USP54: variants seen among roughly 807,000 people sequenced by gnomAD.
USP54 encodes the protein ubiquitin specific peptidase 54.
A neutral mutation model predicts 170.5 loss-of-function variants in USP54; 87 were observed. The ratio of observed to expected loss-of-function variants is 0.51; its 90% CI spans 0.43 to 0.61. The LOEUF (loss-of-function observed/expected upper bound fraction) is 0.61. Ranked by LOEUF, USP54 falls within the 20% of genes least tolerant of loss-of-function variation. USP54 has a pLI of 0.00. For missense variants in USP54, 1,786 were observed against 2,047.8 expected (o/e 0.87, Z 2.47); for synonymous variants, 655 against 742.8 (o/e 0.88, Z 1.92).
At chr10:73,529,627 G>T in intron 15 of USP54, 53 bp downstream of exon 15, 1 of 1,605,052 alleles carries the variant, frequency 6.2e-7, no homozygotes, top group Non-Finnish European at 8.5e-7. Context: ...CCCCAAGTAG[G>T]TGGCTCACAT....
intron 1 of USP54, among the ~76,000 whole-genome samples, chr10:73,581,505 A>G (rs773595595): frequency 6.6e-6 from 1 of 152,190 alleles, no homozygotes; most frequent in African/African-American, 2.4e-5. Flanking sequence ...TTTCTCTTGC[A>G]CAGATTCTCA....
At chr10:73,550,368 T>C (rs2068980320) in intron 4 of USP54, among the ~76,000 whole-genome samples, 1 of 152,208 alleles carries the variant, frequency 6.6e-6, no homozygotes, top group African/African-American at 2.4e-5. Flanking sequence ...TTCCTGTGGA[T>C]TTTTTATCCA....
chr10:73,526,887 G>C, intron 15 of USP54, 107 bp from the exon 16 acceptor site: 1 of 1,296,630 alleles, frequency 7.7e-7, no homozygotes, highest in East Asian at 2.5e-5. Context: ...TACACAATTA[G>C]AGCTTCTGCT....
intron 4 of USP54, among the ~76,000 whole-genome samples, chr10:73,553,896 G>A (rs954703799): frequency 3.9e-5 from 6 of 152,154 alleles, no homozygotes; most frequent in Non-Finnish European, 5.9e-5. Context: ...ACTAAAAGCA[G>A]GTGCTTCCCC....
At chr10:73,514,856 G>A (rs1324272025) in intron 20 of USP54, among the ~76,000 whole-genome samples, 2 of 151,836 alleles carry the variant, frequency 1.3e-5, no homozygotes, top group African/African-American at 2.4e-5. Flanking sequence ...CCTGGCCAAC[G>A]TGGTGAAACC....
At chr10:73,523,846 T>A in intron 16 of USP54, 96 bp from the exon 17 acceptor site, 1 of 869,470 alleles carries the variant, frequency 1.2e-6, no homozygotes. Context: ...CTTTTGGAAT[T>A]CTTGCTTTCA....
chr10:73,545,402 G>C (rs1212075588), intron 5 of USP54, 136 bp downstream of exon 5: 1 of 1,214,206 alleles, frequency 8.2e-7, no homozygotes, highest in African/African-American at 1.5e-5. Flanking sequence ...TTAGATCCCT[G>C]AAAAATCAGA....
At chr10:73,563,671 A>T (rs1298203282) in intron 4 of USP54, among the ~76,000 whole-genome samples, 1 of 151,862 alleles carries the variant, frequency 6.6e-6, no homozygotes, top group African/African-American at 2.4e-5. Context: ...TCCCGACCTC[A>T]GGAGATCTGC....
intron 12 of USP54, among the ~76,000 whole-genome samples, chr10:73,534,183 T>C (rs1459542006): frequency 1.3e-5 from 2 of 152,086 alleles, no homozygotes; most frequent in African/African-American, 2.4e-5. Flanking sequence ...GTAACGAACA[T>C]TTCTGACTTC....
At chr10:73,588,079 C>A (rs2077733363) in intron 1 of USP54, among the ~76,000 whole-genome samples, 1 of 152,078 alleles carries the variant, frequency 6.6e-6, no homozygotes, top group South Asian at 2.1e-4. Context: ...TACAGGCAAA[C>A]ACACACACAC....
chr10:73,593,442 C>T (rs1024621231), upstream of USP54, among the ~76,000 whole-genome samples: 1 of 149,984 alleles, frequency 6.7e-6, no homozygotes, highest in African/African-American at 2.5e-5. Context: ...TGATTGCTAA[C>T]TACGTCAAGA....
Position 73,497,749 on chromosome 10 carries a change from T to TA in USP54, c.*879dup, listed in dbSNP as rs2133087141. On this transcript the variant is annotated 3_prime_UTR_variant, in exon 24 of 24. Coordinates refer to ENST00000687698, the MANE Select transcript of USP54 (RefSeq NM_001391956.1). Reference sequence around the variant, plus strand: ...ATGTTATGTTGGCAGCTCCGCATTCTAGGCCTAAGGTTTGGAGGGCACAGG... The same window carrying TA: ...ATGTTATGTTGGCAGCTCCGCATTCTAAGGCCTAAGGTTTGGAGGGCACAGG... The TA allele has an allele frequency of 6.6e-6, 1 of 152,374 alleles. No homozygotes were observed. Among genetic ancestry groups the TA allele is most frequent in the African/African-American group, 2.4e-5 (1 of 41,562 alleles). 9.4% of individuals were successfully genotyped at this position (152,374 alleles called of 1,614,324 possible).
upstream of USP54, chr10:73,625,801 G>C (rs1215619271): frequency 6.6e-6 from 1 of 152,078 alleles, no homozygotes; most frequent in Non-Finnish European, 1.5e-5. Flanking sequence ...GTACCCACAG[G>C]ACCCAGGTCC....
At position 73,624,159 on chromosome 10, in the gene USP54, C is replaced by CATATATATATAT. The variant is rs58238181; in HGVS notation, c.-18+1396_-18+1407dup. 3.9e-3 allele frequency among the ~76,000 whole-genome samples: 274 copies of CATATATATATAT among 69,844 alleles called. 3 individuals are homozygous for CATATATATATAT. Among genetic ancestry groups the CATATATATATAT allele is most frequent in the Non-Finnish European group, 5.4e-3 (205 of 37,824 alleles). 45.8% of individuals were successfully genotyped at this position (69,844 alleles called of 152,430 possible). A position where few individuals can be genotyped will look rare whatever the true frequency, so the allele number is the denominator to read the frequency against. ...CAGCTGAAGAAGGATTTTTAAAAGC[C>CATATATATATAT]ATATATATATATATATATATATATA... On this transcript the variant is annotated intron_variant, in intron 1 of 22. Transcript: ENST00000339859.
At chr10:73,551,374 G>C (rs960314283) in intron 4 of USP54, among the ~76,000 whole-genome samples, 1 of 152,172 alleles carries the variant, frequency 6.6e-6, no homozygotes, top group African/African-American at 2.4e-5. Flanking sequence ...ATAAGGTCAA[G>C]GAAAGGCAGG....
intron 4 of USP54, among the ~76,000 whole-genome samples, chr10:73,563,675 G>T (rs1421003490): frequency 6.6e-6 from 1 of 152,116 alleles, no homozygotes; most frequent in Admixed American, 6.5e-5. Context: ...GACCTCAGGA[G>T]ATCTGCCCGC....
chr10:73,545,486 G>C, intron 5 of USP54, 52 bp downstream of exon 5: 1 of 1,598,864 alleles, frequency 6.3e-7, no homozygotes, highest in South Asian at 1.1e-5. Flanking sequence ...CCCTGATGGA[G>C]ACCATCAGCA....
At chr10:73,559,863 C>T (rs1409383673) in intron 4 of USP54, among the ~76,000 whole-genome samples, 2 of 151,784 alleles carry the variant, frequency 1.3e-5, no homozygotes, top group Non-Finnish European at 2.9e-5. Context: ...GTTAGGAGTT[C>T]GAGACCAGCT....
intron 1 of USP54, among the ~76,000 whole-genome samples, chr10:73,597,921 C>T (rs1398117729): frequency 6.6e-6 from 1 of 151,988 alleles, no homozygotes; most frequent in African/African-American, 2.4e-5. Context: ...CCTGTCTCTA[C>T]TAAATATATA....
Sources: gnomAD v4.1 joint callset for allele counts (sites outside exome capture counted in the v4.1 genomes callset) on GRCh38, gnomAD v4.1.1 for gene constraint, MANE v1.5 for transcripts, NCBI Gene and HGNC (gene_info 2026-07-23, HGNC 2026-07-21) for gene names.